SHANK2: variants seen among roughly 807,000 people sequenced by gnomAD.
SHANK2 encodes the protein SH3 and multiple ankyrin repeat domains protein 2.
In SHANK2, 43 loss-of-function variants were observed where a neutral mutation model predicts 133.7. The observed-to-expected ratio is 0.32, with a 90% CI of 0.25 to 0.41. The LOEUF (loss-of-function observed/expected upper bound fraction) is 0.41, where lower values mean the gene tolerates loss of function less well. Ranked by LOEUF, SHANK2 falls within the 10% of genes least tolerant of loss-of-function variation. The pLI is 1.00. For missense variants in SHANK2, 1,994 were observed against 2,235.8 expected, an observed-to-expected ratio of 0.89 and a Z score of 2.18; for synonymous variants, 1,017 against 952.8, an observed-to-expected ratio of 1.07 and a Z score of -1.24.
chr11:71,232,513 C>A (rs1349618808), intron 1 of SHANK2, among the ~76,000 whole-genome samples: 3 of 152,028 alleles, frequency 2.0e-5, no homozygotes, highest in African/African-American at 7.2e-5. Flanking sequence ...GAAGGCAAGA[C>A]CAACCCCTTC....
chr11:70,479,727 C>T lies in SHANK2; in HGVS notation c.4979+5587G>A, dbSNP rs1186884329. Among the ~76,000 whole-genome samples the T allele has an allele frequency of 1.3e-5, 2 of 152,248 alleles. No individual in the cohort carries two copies. The highest frequency in any genetic ancestry group is 2.9e-5 in the Non-Finnish European group (2 of 68,044). On this transcript the variant is annotated intron_variant, in intron 25 of 25. Transcript: ENST00000601538. The surrounding 1 kb of genome is among the most constrained non-coding windows in gnomAD (Gnocchi z 4.4). ...CCCCACATACAGAGCAAATGTGAAG[C>T]TGACCTCTGCCATGGAAGCGATGGT...
chr11:70,672,874 G>A (rs1440500136), intron 15 of SHANK2, among the ~76,000 whole-genome samples: 5 of 152,218 alleles, frequency 3.3e-5, no homozygotes, highest in African/African-American at 9.7e-5. Context: ...GGTGGAGAAG[G>A]CCCACTTTCT....
intron 14 of SHANK2, among the ~76,000 whole-genome samples, chr11:70,751,062 G>C (rs554131655): frequency 1.2e-4 from 19 of 152,196 alleles, no homozygotes; most frequent in African/African-American, 4.6e-4. Context: ...TACTAGATGT[G>C]TCAAAAGCAG....
intron 17 of SHANK2, among the ~76,000 whole-genome samples, chr11:70,522,948 G>A (rs1262056258): frequency 3.3e-5 from 5 of 152,178 alleles, no homozygotes; most frequent in African/African-American, 1.2e-4. Context: ...CTTCACTGAG[G>A]CCTCCCTCCA....
chr11:70,502,699 G>A (rs2059073004), intron 18 of SHANK2, 97 bp downstream of exon 18: 1 of 1,361,182 alleles, frequency 7.3e-7, no homozygotes, highest in South Asian at 1.3e-5. Context: ...GGGATCAGCT[G>A]GAGAGAGGGC....
At chr11:70,563,958 G>A (rs1431574914) in intron 17 of SHANK2, among the ~76,000 whole-genome samples, 4 of 152,116 alleles carry the variant, frequency 2.6e-5, no homozygotes, top group Non-Finnish European at 5.9e-5. Context: ...ATACTGTAAA[G>A]GTATTTGTCC....
At chr11:70,874,273 T>C (rs188544153) in intron 11 of SHANK2, among the ~76,000 whole-genome samples, 3 of 147,118 alleles carry the variant, frequency 2.0e-5, no homozygotes, top group Middle Eastern at 7.2e-3. Context: ...TAATCCAATC[T>C]AATCTAATCT....
chr11:70,788,901 C>T (rs899424932), intron 14 of SHANK2, among the ~76,000 whole-genome samples: 1 of 152,306 alleles, frequency 6.6e-6, no homozygotes, highest in East Asian at 1.9e-4. Flanking sequence ...ACATGCCAGC[C>T]TCACCACCAC....
chr11:71,239,729 C>G (rs1444299037), intron 1 of SHANK2, among the ~76,000 whole-genome samples: 1 of 152,224 alleles, frequency 6.6e-6, no homozygotes, highest in East Asian at 1.9e-4. Flanking sequence ...CCCACATCGG[C>G]CTCCCAGGGT....
intron 2 of SHANK2, among the ~76,000 whole-genome samples, chr11:71,210,237 T>TATAC (rs1954236506): frequency 9.6e-6 from 1 of 104,522 alleles, no homozygotes; most frequent in African/African-American, 5.0e-5. Context: ...TATATATATA[T>TATAC]ATATATATAT....
chr11:70,648,180 G>A (rs2061291836), intron 17 of SHANK2, among the ~76,000 whole-genome samples: 1 of 152,222 alleles, frequency 6.6e-6, no homozygotes, highest in Admixed American at 6.5e-5. Context: ...TTCTGTGGGT[G>A]GAAAATGCCC....
chr11:70,578,877 C>T (rs781863262), intron 17 of SHANK2, among the ~76,000 whole-genome samples: 1 of 152,168 alleles, frequency 6.6e-6, no homozygotes, highest in Non-Finnish European at 1.5e-5. Context: ...AGACCATCTG[C>T]CGGGTCACTC....
At chr11:71,097,706 C>T (rs147508063) in intron 6 of SHANK2, among the ~76,000 whole-genome samples, 7 of 148,792 alleles carry the variant, frequency 4.7e-5, no homozygotes, top group African/African-American at 1.7e-4. Context: ...GCACTAGCCA[C>T]GGCTGTTTGT....
At chr11:70,760,358 T>C (rs929972815) in intron 14 of SHANK2, among the ~76,000 whole-genome samples, 1 of 152,230 alleles carries the variant, frequency 6.6e-6, no homozygotes, top group East Asian at 1.9e-4. Context: ...CCCTTTATAA[T>C]AGTCTCCCTT....
intron 17 of SHANK2, among the ~76,000 whole-genome samples, chr11:70,519,905 ATTTTTT>A (rs781977357): frequency 2.5e-5 from 3 of 121,478 alleles, no homozygotes; most frequent in African/African-American, 9.3e-5. Context: ...ACCATGCCTA[ATTTTTT>A]TTTTTTTTTT....
At position 70,473,163 on chromosome 11, in the gene SHANK2, T is replaced by G. The variant is rs1289363371; in HGVS notation, c.5256A>C (p.Leu1752=). The change falls in exon 26 of 26, where the codon CTA becomes CTC. Residue 1752 remains leucine, a synonymous_variant. Transcript: ENST00000601538. This position sits in a 1 kb window ranked among gnomAD's most constrained non-coding sequence, Gnocchi z 5.9. ...TGCGTCCCGCTGGGTTCAAGCCAAA[T>G]AGATCCCCAGAAGGGGGCTGGCTTG... ...SLPSQPPSGD[L]FGLNPAGRSR... 1.2e-6 allele frequency: 2 copies of G among 1,613,928 alleles called. No homozygotes were observed. Among genetic ancestry groups the G allele is most frequent in the Non-Finnish European group, 1.7e-6 (2 of 1,179,808 alleles).
chr11:70,527,293 C>T (rs1227868653), intron 17 of SHANK2, among the ~76,000 whole-genome samples: 1 of 152,224 alleles, frequency 6.6e-6, no homozygotes, highest in Non-Finnish European at 1.5e-5. Context: ...GCCGGCCTGG[C>T]TGTGGACTTG....
intron 14 of SHANK2, among the ~76,000 whole-genome samples, chr11:70,788,930 T>C (rs139346159): frequency 5.6e-4 from 85 of 152,272 alleles, no homozygotes; most frequent in African/African-American, 1.9e-3. Context: ...GTCCACACGA[T>C]CTGAAGGAGA....
chr11:70,599,929 A>AAAAGAAAGAAAGAAAG (rs1565166547), intron 17 of SHANK2, among the ~76,000 whole-genome samples: 26 of 121,798 alleles, frequency 2.1e-4, no homozygotes, highest in African/African-American at 1.1e-3. Flanking sequence ...GAAAGAAAGA[A>AAAAGAAAGAAAGAAAG]AGAAAGAAAG....
Sources: allele counts gnomAD v4.1 joint callset (sites outside exome capture counted in the v4.1 genomes callset), GRCh38; gene constraint gnomAD v4.1.1; non-coding constraint Gnocchi (gnomAD v3.1); transcripts MANE v1.5; gene names NCBI Gene and HGNC (gene_info 2026-07-23, HGNC 2026-07-21).